Variants in BOLL observed in about 807,000 individuals in gnomAD.
BOLL encodes boule RNA binding protein.
BOLL carries 23 observed loss-of-function variants against 44.4 expected under a neutral mutation model. The ratio of observed to expected loss-of-function variants is 0.52; its 90% CI spans 0.37 to 0.73. The LOEUF (loss-of-function observed/expected upper bound fraction) is 0.73, where lower values mean the gene tolerates loss of function less well. BOLL is among the 30% of genes least tolerant of loss of function. The pLI is 0.00. For synonymous variants in BOLL, 97 were observed against 110.8 expected, an observed-to-expected ratio of 0.88 and a Z score of 0.78; for missense variants, 287 against 338.3, an observed-to-expected ratio of 0.85 and a Z score of 1.19.
chr2:197,745,812 G>A (rs954482128), intron 9 of BOLL, among the ~76,000 whole-genome samples: 16 of 152,144 alleles, frequency 1.1e-4, no homozygotes, highest in Admixed American at 2.0e-4. Flanking sequence ...TTTCCCAAGA[G>A]GTCAATGTTC....
chr2:197,771,582 A>C (rs1307004693), intron 6 of BOLL, among the ~76,000 whole-genome samples: 2 of 152,130 alleles, frequency 1.3e-5, no homozygotes, highest in Non-Finnish European at 2.9e-5. Context: ...TGTAGTAAAA[A>C]TATATAAAAT....
chr2:197,766,479 C>T, intron 7 of BOLL, 53 bp downstream of exon 7: 1 of 1,391,986 alleles, frequency 7.2e-7, no homozygotes, highest in Non-Finnish European at 1.0e-6. Flanking sequence ...TGAAAGTTAG[C>T]TAAGAAAGGA....
In BOLL at chr2:197,728,241, A is replaced by C; in HGVS notation, c.*314T>G. The C allele has an allele frequency of 2.4e-6, 1 of 416,412 alleles. No homozygotes were observed. The highest frequency in any genetic ancestry group is 4.2e-6 in the Non-Finnish European group (1 of 236,294). 25.8% of individuals were successfully genotyped at this position (416,412 alleles called of 1,614,324 possible). A position where few individuals can be genotyped will look rare whatever the true frequency, so the allele number is the denominator to read the frequency against. On this transcript the variant is annotated 3_prime_UTR_variant, in exon 11 of 11. Coordinates refer to ENST00000392296, the MANE Select transcript of BOLL (RefSeq NM_033030.6). ...ACACAAAGCAGAGAAAATAAAAGACACCTCACTATTCCCAATGTGGTTATT... is the reference window on the plus strand; with the variant it reads ...ACACAAAGCAGAGAAAATAAAAGACCCCTCACTATTCCCAATGTGGTTATT...
At chr2:197,772,074 A>C in intron 5 of BOLL, 92 bp from the exon 6 acceptor site, 1 of 1,080,364 alleles carries the variant, frequency 9.3e-7, no homozygotes, top group Non-Finnish European at 1.3e-6. Flanking sequence ...ATTTATCTTA[A>C]TATACCTATG....
chr2:197,747,312 A>G (rs1211348682), intron 9 of BOLL, among the ~76,000 whole-genome samples: 1 of 152,102 alleles, frequency 6.6e-6, no homozygotes, highest in East Asian at 1.9e-4. Flanking sequence ...GGCCAGGCGC[A>G]GTGGCTCACG....
rs768713144 is a variant in BOLL at position 197,756,447 on chromosome 2, A to G, written c.710T>C (p.Met237Thr). 1.2e-6 allele frequency: 2 copies of G among 1,610,700 alleles called. No homozygotes were observed. The highest frequency in any genetic ancestry group is 2.2e-5 in the East Asian group (1 of 44,738). ...ACATACCTCTGGAACTGAAGTTTCCATCAGAGACAGTGGAGGAGGAACACA... is the reference window on the plus strand; with the variant it reads ...ACATACCTCTGGAACTGAAGTTTCCGTCAGAGACAGTGGAGGAGGAACACA... ...GGCVPPPLSL[M>T]ETSVPEPYSD... Residue 237 changes from methionine to threonine, a missense_variant, in exon 9 of 11, where the codon ATG (methionine) becomes ACG (threonine). By Grantham distance (81) the Met-to-Thr change is moderately conservative. Coordinates refer to ENST00000392296, the MANE Select transcript of BOLL (RefSeq NM_033030.6).
chr2:197,762,392 C>G (rs1356918819), intron 7 of BOLL, among the ~76,000 whole-genome samples: 1 of 151,926 alleles, frequency 6.6e-6, no homozygotes, highest in African/African-American at 2.4e-5. Flanking sequence ...TAAACTGCAC[C>G]ATAGGCCAAA....
Position 197,728,528 on chromosome 2 carries a change from G to C in BOLL, c.*27C>G. On this transcript the variant is annotated 3_prime_UTR_variant, in exon 11 of 11. Coordinates refer to ENST00000392296, the MANE Select transcript of BOLL (RefSeq NM_033030.6). ...AGGATCATTGGACAAGAAATCAGTTGAGCTGGAATAGAGCTGCCCAATTGT... is the reference window on the plus strand; with the variant it reads ...AGGATCATTGGACAAGAAATCAGTTCAGCTGGAATAGAGCTGCCCAATTGT... 6.2e-7 allele frequency: 1 copy of C among 1,614,064 alleles called. No individual in the cohort carries two copies. The highest frequency in any genetic ancestry group is 1.1e-5 in the South Asian group (1 of 91,078).
At chr2:197,753,258 G>C (rs2106343833) in intron 9 of BOLL, among the ~76,000 whole-genome samples, 1 of 152,024 alleles carries the variant, frequency 6.6e-6, no homozygotes, top group African/African-American at 2.4e-5. Context: ...AACACTAAAA[G>C]TAATGGCAAC....
chr2:197,733,393 A>G (rs1687304206), intron 10 of BOLL, among the ~76,000 whole-genome samples: 1 of 149,802 alleles, frequency 6.7e-6, no homozygotes, highest in African/African-American at 2.5e-5. Context: ...TGCCCAAGGT[A>G]ATTTACAGAT....
At chr2:197,755,692 A>G (rs758733963) in intron 9 of BOLL, among the ~76,000 whole-genome samples, 1 of 152,232 alleles carries the variant, frequency 6.6e-6, no homozygotes, top group Non-Finnish European at 1.5e-5. Context: ...GAGCTGAACA[A>G]TGAGAAACAC....
chr2:197,764,013 G>A (rs1688878790), intron 7 of BOLL, among the ~76,000 whole-genome samples: 1 of 152,188 alleles, frequency 6.6e-6, no homozygotes, highest in Admixed American at 6.5e-5. Context: ...CAGTTAGGAT[G>A]TTTATTGTCA....
chr2:197,769,700 A>C (rs1322493139), intron 6 of BOLL, among the ~76,000 whole-genome samples: 3 of 152,032 alleles, frequency 2.0e-5, no homozygotes, highest in Non-Finnish European at 4.4e-5. Flanking sequence ...ATTCCTATAC[A>C]CAATAACAGA....
intron 9 of BOLL, among the ~76,000 whole-genome samples, chr2:197,750,270 C>T (rs1056691830): frequency 4.6e-5 from 7 of 152,218 alleles, no homozygotes; most frequent in East Asian, 3.9e-4. Flanking sequence ...AACATCACAA[C>T]GACAGGATCA....
At chr2:197,735,604 C>G (rs1687449117) in intron 10 of BOLL, among the ~76,000 whole-genome samples, 1 of 152,062 alleles carries the variant, frequency 6.6e-6, no homozygotes, top group African/African-American at 2.4e-5. Flanking sequence ...CCTGTGCCCT[C>G]TAGCCAAAGG....
chr2:197,778,459 G>C (rs1322921006), intron 3 of BOLL, among the ~76,000 whole-genome samples: 1 of 151,756 alleles, frequency 6.6e-6, no homozygotes, highest in African/African-American at 2.4e-5. Context: ...CACATTTAAA[G>C]ACACAGTCTA....
intron 4 of BOLL, among the ~76,000 whole-genome samples, chr2:197,776,044 T>C (rs747738064): frequency 6.6e-6 from 1 of 151,866 alleles, no homozygotes; most frequent in Non-Finnish European, 1.5e-5. Flanking sequence ...AATTTTGAGG[T>C]TATTAGTGGA....
At chr2:197,751,884 C>T (rs188516986) in intron 9 of BOLL, among the ~76,000 whole-genome samples, 6 of 151,530 alleles carry the variant, frequency 4.0e-5, no homozygotes, top group Admixed American at 1.3e-4. Context: ...TAATGAACAT[C>T]GAAGCAAAAA....
rs144185823 is a variant in BOLL, at chr2:197,753,639, G to A, written c.729+2789C>T. ...ATCACTAAAAAGTCAGGAAACAACA[G>A]ATGCTGGAGAGGATGTGGAGAAATA... On this transcript the variant is annotated intron_variant, in intron 9 of 10. Transcript: ENST00000392296. Among the ~76,000 whole-genome samples, 759 of 152,298 alleles carry A rather than the reference G, an allele frequency of 5.0e-3. 2 individuals are homozygous for A. The highest frequency in any genetic ancestry group is 0.017 in the African/African-American group (720 of 41,570).
Sources: allele counts gnomAD v4.1 joint callset (sites outside exome capture counted in the v4.1 genomes callset), GRCh38; gene constraint gnomAD v4.1.1; transcripts MANE v1.5; gene names NCBI Gene and HGNC (gene_info 2026-07-23, HGNC 2026-07-21).